The following EPHA6 variants were observed in gnomAD, a reference collection of about 807,000 sequenced individuals.
EPHA6 encodes the protein EPH receptor A6.
In EPHA6, 50 loss-of-function variants were observed where a neutral mutation model predicts 112.0. The ratio of observed to expected loss-of-function variants is 0.45; its 90% CI spans 0.36 to 0.56. EPHA6 has a LOEUF of 0.56. Ranked by LOEUF, EPHA6 falls within the 20% of genes least tolerant of loss-of-function variation. EPHA6 has a pLI of 0.00. For missense variants in EPHA6, 1,280 were observed against 1,417.4 expected (o/e 0.90, Z 1.56); for synonymous variants, 529 against 490.7 (o/e 1.08, Z -1.03).
At chr3:97,094,302 CT>C (rs1371527432) in intron 3 of EPHA6, among the ~76,000 whole-genome samples, 2 of 152,096 alleles carry the variant, frequency 1.3e-5, no homozygotes, top group African/African-American at 2.4e-5. Context: ...TTAGACCCCC[CT>C]AGCAATAAAT....
intron 3 of EPHA6, among the ~76,000 whole-genome samples, chr3:97,113,011 T>C (rs1430151893): frequency 1.3e-5 from 2 of 152,154 alleles, no homozygotes; most frequent in Admixed American, 6.6e-5. Flanking sequence ...ACTTCTAGCA[T>C]ACTTGACTTG....
rs141855702 is a variant in EPHA6, at chr3:97,626,868, G to C, written c.2575-11005G>C. Among the ~76,000 whole-genome samples the C allele has an allele frequency of 2.7e-3, 413 of 151,876 alleles. 4 individuals are homozygous for C. Among genetic ancestry groups the C allele is most frequent in the African/African-American group, 9.1e-3 (377 of 41,496 alleles). On this transcript the variant is annotated intron_variant, in intron 13 of 17. Transcript: ENST00000389672. ...AGCAGGTTTACCACCATAATACTAG[G>C]TTGATGTTTAAGATTTCTAAAGTGA...
At chr3:97,481,579 A>G in intron 9 of EPHA6, 2 of 581,898 alleles carry the variant, frequency 3.4e-6, no homozygotes, top group South Asian at 3.2e-5. Flanking sequence ...GCGCTGGGGG[A>G]CTGTTGGGTC....
intron 5 of EPHA6, among the ~76,000 whole-genome samples, chr3:97,254,002 G>A (rs2079223455): frequency 6.6e-6 from 1 of 151,866 alleles, no homozygotes; most frequent in Non-Finnish European, 1.5e-5. Flanking sequence ...ATTTGGAATA[G>A]GTTTCTCATT....
intron 3 of EPHA6, among the ~76,000 whole-genome samples, chr3:97,197,401 CA>C (rs2077469321): frequency 1.3e-5 from 2 of 151,764 alleles, no homozygotes; most frequent in South Asian, 4.2e-4. Context: ...TGGATCCTGC[CA>C]AAACTGGGTC....
chr3:96,865,678 C>T (rs1309019360), intron 1 of EPHA6, among the ~76,000 whole-genome samples: 1 of 123,894 alleles, frequency 8.1e-6, no homozygotes, highest in Non-Finnish European at 1.6e-5. Context: ...CAAGACCTGT[C>T]TCTTTAAAAA....
intron 2 of EPHA6, among the ~76,000 whole-genome samples, chr3:96,921,591 T>C (rs926593671): frequency 6.6e-6 from 1 of 151,958 alleles, no homozygotes; most frequent in Non-Finnish European, 1.5e-5. Context: ...CTTTTTTTTT[T>C]TTTTCAAGAC....
chr3:97,421,715 G>T (rs1209220085), intron 6 of EPHA6, among the ~76,000 whole-genome samples: 1 of 152,098 alleles, frequency 6.6e-6, no homozygotes, highest in Admixed American at 6.6e-5. Flanking sequence ...ACATGCCTTG[G>T]CAGATACTTT....
chr3:97,383,273 G>A (rs1435993468), intron 5 of EPHA6, among the ~76,000 whole-genome samples: 2 of 152,048 alleles, frequency 1.3e-5, no homozygotes, highest in African/African-American at 4.8e-5. Flanking sequence ...ATTGCATTCT[G>A]ATTGTGGAAA....
chr3:97,230,859 T>G (rs2078504047), intron 4 of EPHA6, among the ~76,000 whole-genome samples: 1 of 152,162 alleles, frequency 6.6e-6, no homozygotes, highest in Non-Finnish European at 1.5e-5. Flanking sequence ...TATGTTGATT[T>G]AAGTCAGTGC....
rs551505250 is a variant in EPHA6 at position 97,689,765 on chromosome 3, C to A, written c.2785-30496C>A. 7.9e-5 allele frequency among the ~76,000 whole-genome samples: 12 copies of A among 152,232 alleles called. No homozygotes were observed. In the South Asian group the frequency reaches 1.9e-3, roughly 24 times the overall value. ...AATTTTAGAACATTGTCACACCCCC[C>A]CTAAAAATCTCATACCCATTAGCAG... On this transcript the variant is annotated intron_variant, in intron 14 of 17. Transcript: ENST00000389672.
chr3:97,244,545 A>G (rs1206484054), intron 5 of EPHA6: 1 of 471,426 alleles, frequency 2.1e-6, no homozygotes, highest in Non-Finnish European at 3.7e-6. Context: ...ATAATCATAT[A>G]ACAATATATC....
chr3:97,217,034 A>G (rs1337046968), intron 3 of EPHA6, among the ~76,000 whole-genome samples: 1 of 152,202 alleles, frequency 6.6e-6, no homozygotes, highest in Non-Finnish European at 1.5e-5. Context: ...TAACCAAGAG[A>G]TAGTAATTAA....
chr3:96,819,207 T>A (rs923995583), intron 1 of EPHA6, among the ~76,000 whole-genome samples: 2 of 152,072 alleles, frequency 1.3e-5, no homozygotes, highest in African/African-American at 4.8e-5. Flanking sequence ...ATGAATTTCC[T>A]AAGGGAAAAG....
At chr3:97,226,849 T>C (rs906905277) in intron 4 of EPHA6, among the ~76,000 whole-genome samples, 1 of 152,194 alleles carries the variant, frequency 6.6e-6, no homozygotes, top group African/African-American at 2.4e-5. Flanking sequence ...TAAAAGTCAT[T>C]GTGTTATTGT....
chr3:96,970,360 A>G (rs756810699), intron 2 of EPHA6, among the ~76,000 whole-genome samples: 7 of 151,968 alleles, frequency 4.6e-5, no homozygotes, highest in Non-Finnish European at 8.8e-5. Flanking sequence ...TGTGTGCACT[A>G]GCATGATGTC....
intron 13 of EPHA6, 52 bp from the exon 14 acceptor site, chr3:97,637,820 CG>C: frequency 7.5e-7 from 1 of 1,324,958 alleles, no homozygotes; most frequent in South Asian, 1.2e-5. Context: ...AATACACACA[CG>C]CACACACTGC....
chr3:97,684,146 G>A (rs1467244714), intron 14 of EPHA6, among the ~76,000 whole-genome samples: 1 of 152,120 alleles, frequency 6.6e-6, no homozygotes, highest in Non-Finnish European at 1.5e-5. Flanking sequence ...GAGAATGGAT[G>A]CTACTTTATA....
chr3:97,570,005 T>C (rs1037569982), intron 11 of EPHA6: 1 of 152,204 alleles, frequency 6.6e-6, no homozygotes, highest in Admixed American at 6.5e-5. Flanking sequence ...TAAAAACAAA[T>C]TTCTCACGTG....
Sources: allele counts gnomAD v4.1 joint callset (sites outside exome capture counted in the v4.1 genomes callset), GRCh38; gene constraint gnomAD v4.1.1; transcripts MANE v1.5; gene names NCBI Gene and HGNC (gene_info 2026-07-23, HGNC 2026-07-21).